CNTN5: variants seen among roughly 807,000 people sequenced by gnomAD.
CNTN5 encodes the protein contactin-5.
CNTN5 carries 77 observed loss-of-function variants against 129.1 expected under a neutral mutation model. The ratio of observed to expected loss-of-function variants is 0.60; its 90% confidence interval spans 0.50 to 0.72. The LOEUF (loss-of-function observed/expected upper bound fraction) is 0.72. Among genes scored for constraint, CNTN5 ranks in the 30% least tolerant of loss-of-function variants. The pLI is 0.00. For synonymous variants in CNTN5, 509 were observed against 465.6 expected (o/e 1.09, Z -1.20); for missense variants, 1,478 against 1,328.8 (o/e 1.11, Z -1.75).
At chr11:100,258,890 A>T (rs1476062900) in intron 17 of CNTN5, among the ~76,000 whole-genome samples, 1 of 152,226 alleles carries the variant, frequency 6.6e-6, no homozygotes, top group Admixed American at 6.5e-5. Context: ...GCATCAACTG[A>T]CAGGCAAAAT....
chr11:99,981,590 C>T (rs1331118624), intron 8 of CNTN5, among the ~76,000 whole-genome samples: 1 of 152,140 alleles, frequency 6.6e-6, no homozygotes, highest in African/African-American at 2.4e-5. Flanking sequence ...CTTGGTATTG[C>T]TTAACGTATC....
At chr11:100,027,474 T>A (rs1941483889) in intron 9 of CNTN5, among the ~76,000 whole-genome samples, 1 of 152,208 alleles carries the variant, frequency 6.6e-6, no homozygotes, top group Non-Finnish European at 1.5e-5. Context: ...TCCACATGGA[T>A]GTTAGGTTAG....
intron 15 of CNTN5, among the ~76,000 whole-genome samples, chr11:100,217,238 T>C (rs75009587): frequency 0.016 from 2,287 of 142,432 alleles, 14 homozygotes; most frequent in Middle Eastern, 0.064. Flanking sequence ...GATAAAAAGA[T>C]AGCATATTTT....
chr11:99,432,454 TCTTTTCTTTC>T (rs1193733089), intron 2 of CNTN5, among the ~76,000 whole-genome samples: 3,934 of 117,980 alleles, frequency 0.033, 90 homozygotes, highest in Non-Finnish European at 0.049. Flanking sequence ...TCTTTTCTTT[TCTTTTCTTTC>T]CTTTTCTTTT....
intron 6 of CNTN5, among the ~76,000 whole-genome samples, chr11:99,859,110 A>G (rs1460759418): frequency 6.6e-6 from 1 of 152,204 alleles, no homozygotes; most frequent in East Asian, 1.9e-4. Context: ...AAACTAAAAG[A>G]TAAAATCTCC....
chr11:99,974,260 C>G (rs1010871324), intron 8 of CNTN5, among the ~76,000 whole-genome samples: 2 of 152,174 alleles, frequency 1.3e-5, no homozygotes, highest in African/African-American at 2.4e-5. Context: ...TCATGCTTGT[C>G]TGACTGCAAA....
At chr11:99,890,075 CA>C (rs1485864438) in intron 6 of CNTN5, among the ~76,000 whole-genome samples, 1 of 152,062 alleles carries the variant, frequency 6.6e-6, no homozygotes, top group African/African-American at 2.4e-5. Context: ...AATTATTACT[CA>C]TGGACAGGAA....
chr11:99,340,828 A>C (rs1261646168), intron 2 of CNTN5, among the ~76,000 whole-genome samples: 1 of 152,356 alleles, frequency 6.6e-6, no homozygotes, highest in African/African-American at 2.4e-5. Context: ...CAATTACATA[A>C]ATCTACATTA....
intron 23 of CNTN5, among the ~76,000 whole-genome samples, chr11:100,350,193 C>T (rs1429407927): frequency 1.3e-5 from 2 of 151,746 alleles, no homozygotes; most frequent in Non-Finnish European, 3.0e-5. Flanking sequence ...ATTTTGTTTA[C>T]TCCTTTCAAA....
intron 6 of CNTN5, among the ~76,000 whole-genome samples, chr11:99,849,249 G>A (rs1017543653): frequency 2.6e-5 from 4 of 151,082 alleles, no homozygotes; most frequent in African/African-American, 4.9e-5. Context: ...ATATATCATC[G>A]AAGTTTTCTT....
intron 3 of CNTN5, among the ~76,000 whole-genome samples, chr11:99,594,833 T>C (rs1218947218): frequency 6.6e-6 from 1 of 152,182 alleles, no homozygotes; most frequent in Non-Finnish European, 1.5e-5. Context: ...AAGACCCTGG[T>C]GTGGTAATCC....
rs1194495830 is a variant in CNTN5, at chr11:99,172,585, C to T, written c.-210+151315C>T. ...TCTTAAAAATGTTGCAATATTTTCT[C>T]ACCTAAGTTAATTGCAAGATTTGAA... On this transcript the variant is annotated intron_variant, in intron 1 of 24. Transcript: ENST00000524871. Among the ~76,000 whole-genome samples the T allele has an allele frequency of 2.0e-5, 3 of 152,252 alleles. No individual in the cohort carries two copies. The East Asian group carries it at 5.8e-4, about 29-fold the overall frequency.
chr11:99,665,006 AC>A (rs1952732180), intron 3 of CNTN5, among the ~76,000 whole-genome samples: 1 of 152,208 alleles, frequency 6.6e-6, no homozygotes, highest in Admixed American at 6.5e-5. Context: ...TCCAAGATAC[AC>A]AATAATTGAA....
rs573979725 is a variant in CNTN5, at chr11:99,609,492, G to A, written c.55+53223G>A. Among the ~76,000 whole-genome samples, 3 of 152,212 alleles carry A rather than the reference G, an allele frequency of 2.0e-5. No individual in the cohort carries two copies. The South Asian group carries it at 6.2e-4, about 32-fold the overall frequency. On this transcript the variant is annotated intron_variant, in intron 3 of 24. Coordinates refer to ENST00000524871, the MANE Select transcript of CNTN5 (RefSeq NM_014361.4). The stretch of plus-strand genomic sequence containing the variant: ...GCTGATGCCTAATGTAATCATTAAT[G>A]TATTCAGGGAGCCGTGGAACACACA...
intron 1 of CNTN5, among the ~76,000 whole-genome samples, chr11:99,242,175 C>T (rs1426982754): frequency 6.6e-6 from 1 of 151,836 alleles, no homozygotes; most frequent in Non-Finnish European, 1.5e-5. Flanking sequence ...TTATTGGTAG[C>T]AAAAAAATAA....
chr11:100,029,153 G>GA (rs140999244), intron 9 of CNTN5, among the ~76,000 whole-genome samples: 39,025 of 145,646 alleles, frequency 0.27, 5,615 homozygotes, highest in East Asian at 0.47. Flanking sequence ...TTCAGATATA[G>GA]AAAAAAAAAA....
chr11:99,146,591 C>T (rs920446174), intron 1 of CNTN5, among the ~76,000 whole-genome samples: 1 of 152,134 alleles, frequency 6.6e-6, no homozygotes, highest in Non-Finnish European at 1.5e-5. Flanking sequence ...ATTAAATCAA[C>T]ACCCAATCCT....
At chr11:99,385,089 T>C (rs930486587) in intron 2 of CNTN5, among the ~76,000 whole-genome samples, 9 of 152,338 alleles carry the variant, frequency 5.9e-5, no homozygotes, top group African/African-American at 1.9e-4. Context: ...TGGTAAGCTA[T>C]GTAAAAGGAA....
intron 1 of CNTN5, among the ~76,000 whole-genome samples, chr11:99,024,989 T>C (rs1863048764): frequency 6.6e-6 from 1 of 151,976 alleles, no homozygotes; most frequent in Non-Finnish European, 1.5e-5. Context: ...TGTAAAGTTG[T>C]TTTTTCTCTT....
Sources: gnomAD v4.1 joint callset for allele counts (sites outside exome capture counted in the v4.1 genomes callset) on GRCh38, gnomAD v4.1.1 for gene constraint, MANE v1.5 for transcripts, NCBI Gene and HGNC (gene_info 2026-07-23, HGNC 2026-07-21) for gene names.